PIR: variants seen among roughly 807,000 people sequenced by gnomAD.
PIR encodes the protein pirin.
PIR carries 22 observed loss-of-function variants against 24.2 expected under a neutral mutation model. The ratio of observed to expected loss-of-function variants is 0.91; its 90% confidence interval spans 0.65 to 1.30. PIR has a LOEUF of 1.30. Among genes scored for constraint, PIR ranks in the 50% most tolerant of loss-of-function variants. The pLI is 0.00. For missense variants in PIR, 220 were observed against 220.3 expected, an observed-to-expected ratio of 1.00 and a Z score of 0.01; for synonymous variants, 80 against 79.6, an observed-to-expected ratio of 1.00 and a Z score of -0.03.
intron 8 of PIR, among the ~76,000 whole-genome samples, chrX:15,393,303 C>G (rs987698455): frequency 8.9e-6 from 1 of 112,079 alleles, no homozygotes; most frequent in Non-Finnish European, 1.9e-5. Flanking sequence ...TCTGCTGATA[C>G]CAACAATAAA....
chrX:15,420,132 G>C (rs182875040), intron 6 of PIR, among the ~76,000 whole-genome samples: 1 of 111,301 alleles, frequency 9.0e-6, no homozygotes, highest in East Asian at 2.8e-4. Context: ...GGGAGGCAGA[G>C]GTTGCAGTGA....
intron 5 of PIR, among the ~76,000 whole-genome samples, chrX:15,439,041 T>A (rs1268099118): frequency 8.9e-5 from 10 of 112,253 alleles, no homozygotes; most frequent in African/African-American, 3.2e-4. Flanking sequence ...TGAACAGGCA[T>A]CCTACATGGC....
chrX:15,447,863 T>C (rs1412501519), intron 5 of PIR, among the ~76,000 whole-genome samples: 4 of 112,094 alleles, frequency 3.6e-5, no homozygotes, highest in Non-Finnish European at 7.5e-5. Context: ...TTTATTGAAG[T>C]TGACACCTTG....
intron 7 of PIR, among the ~76,000 whole-genome samples, chrX:15,404,128 T>C (rs774535688): frequency 9.1e-6 from 1 of 110,360 alleles, no homozygotes; most frequent in Non-Finnish European, 1.9e-5. Context: ...GCCTCCCGTG[T>C]AGCTGGAATT....
chrX:15,487,618 G>GT (rs1922908138), intron 2 of PIR, among the ~76,000 whole-genome samples: 1 of 112,240 alleles, frequency 8.9e-6, no homozygotes. Context: ...CTGGTAGCAG[G>GT]AGTGGGCATA....
chrX:15,479,622 A>T (rs1922393422), intron 3 of PIR, 107 bp downstream of exon 3: 2 of 363,156 alleles, frequency 5.5e-6, no homozygotes, highest in Non-Finnish European at 9.7e-6. Flanking sequence ...GCAACTTATA[A>T]ATGAATTTTT....
chrX:15,417,251 G>A (rs756570680), intron 6 of PIR, among the ~76,000 whole-genome samples: 2,335 of 85,262 alleles, frequency 0.027, 64 homozygotes, highest in African/African-American at 0.093. Flanking sequence ...CGCCAGCTCC[G>A]GCTGACACTT....
intron 2 of PIR, among the ~76,000 whole-genome samples, chrX:15,485,167 C>T (rs1375310899): frequency 8.9e-6 from 1 of 112,223 alleles, no homozygotes; most frequent in Non-Finnish European, 1.9e-5. Flanking sequence ...GTTTGAGTTG[C>T]TATAACATAA....
At chrX:15,404,027 G>A (rs1046348824) in intron 7 of PIR, among the ~76,000 whole-genome samples, 1 of 103,323 alleles carries the variant, frequency 9.7e-6, no homozygotes, top group Non-Finnish European at 2.0e-5. Flanking sequence ...TTAGACAAGA[G>A]TCCCGCTCTG....
chrX:15,390,894 T>C (rs1313105837), intron 8 of PIR, among the ~76,000 whole-genome samples: 1 of 111,524 alleles, frequency 9.0e-6, no homozygotes, highest in East Asian at 2.8e-4. Flanking sequence ...TACACTTTCA[T>C]ATATCGTTTG....
chrX:15,442,562 C>T (rs1340376615), intron 5 of PIR, among the ~76,000 whole-genome samples: 2 of 112,090 alleles, frequency 1.8e-5, no homozygotes, highest in Non-Finnish European at 3.8e-5. Context: ...AGGCCTCTTG[C>T]ACCAGTTAGC....
intron 5 of PIR, among the ~76,000 whole-genome samples, chrX:15,433,539 AG>A: frequency 1.6e-5 from 1 of 63,875 alleles, no homozygotes; most frequent in Middle Eastern, 0.011. Context: ...AAAGAAAGAA[AG>A]AAAGAGAGAG....
At chrX:15,422,962 A>G (rs916491545) in intron 6 of PIR, among the ~76,000 whole-genome samples, 51 of 112,078 alleles carry the variant, frequency 4.6e-4, no homozygotes, top group African/African-American at 1.6e-3. Context: ...GTATTGGCAT[A>G]AAAACAGACA....
intron 3 of PIR, among the ~76,000 whole-genome samples, chrX:15,461,362 T>C (rs1255293209): frequency 3.6e-5 from 4 of 112,639 alleles, no homozygotes; most frequent in Non-Finnish European, 5.6e-5. Context: ...AATGAATTCA[T>C]AGAAAATAAG....
intron 3 of PIR, among the ~76,000 whole-genome samples, chrX:15,473,688 C>G (rs1054712633): frequency 1.8e-5 from 2 of 111,103 alleles, no homozygotes; most frequent in Non-Finnish European, 3.8e-5. Flanking sequence ...TCCCAAGTAA[C>G]TGGGATTACA....
chrX:15,389,285 G>A (rs777374804), intron 9 of PIR, among the ~76,000 whole-genome samples: 4 of 111,952 alleles, frequency 3.6e-5, no homozygotes, highest in Non-Finnish European at 3.8e-5. Flanking sequence ...AATGGAAATC[G>A]GATGCGTACA....
intron 8 of PIR, among the ~76,000 whole-genome samples, chrX:15,390,985 C>T (rs1923941136): frequency 9.0e-6 from 1 of 111,535 alleles, no homozygotes; most frequent in Non-Finnish European, 1.9e-5. Context: ...TGCTAATGTC[C>T]TCCGATCCAG....
At chrX:15,413,194 C>G (rs1269802469) in intron 6 of PIR, among the ~76,000 whole-genome samples, 2 of 111,192 alleles carry the variant, frequency 1.8e-5, no homozygotes, top group Non-Finnish European at 3.8e-5. Flanking sequence ...CTTCTTTTTC[C>G]ACTTTCCTTC....
intron 3 of PIR, 83 bp downstream of exon 3, chrX:15,479,646 T>C: frequency 2.3e-6 from 1 of 439,622 alleles, no homozygotes; most frequent in South Asian, 5.6e-5. Flanking sequence ...CTATTATTTA[T>C]TGCTTTTAAA....
Sources: allele counts gnomAD v4.1 joint callset (sites outside exome capture counted in the v4.1 genomes callset), GRCh38; gene constraint gnomAD v4.1.1; transcripts MANE v1.5; gene names NCBI Gene and HGNC (gene_info 2026-07-23, HGNC 2026-07-21).